The following ERI3 variants were observed in gnomAD, a reference collection of about 807,000 sequenced individuals.
ERI3 encodes the protein ERI1 exoribonuclease family member 3, also known as ERI1 exoribonuclease 3.
A neutral mutation model predicts 44.4 loss-of-function variants in ERI3; 18 were observed. The observed-to-expected ratio is 0.41, with a 90% CI of 0.28 to 0.60. The LOEUF (loss-of-function observed/expected upper bound fraction) is 0.60, where lower values mean the gene tolerates loss of function less well. Among genes scored for constraint, ERI3 ranks in the 20% least tolerant of loss-of-function variants. ERI3 has a pLI of 0.36. For synonymous variants in ERI3, 183 were observed against 164.8 expected, an observed-to-expected ratio of 1.11 and a Z score of -0.84; for missense variants, 294 against 435.5, an observed-to-expected ratio of 0.68 and a Z score of 2.89.
intron 8 of ERI3, among the ~76,000 whole-genome samples, chr1:44,239,927 G>A (rs540048417): frequency 2.0e-5 from 3 of 152,166 alleles, no homozygotes; most frequent in Non-Finnish European, 2.9e-5. Context: ...GCGGCTCCCC[G>A]CCCGCCCCTT....
chr1:44,340,504 G>C (rs1646631802), intron 2 of ERI3, among the ~76,000 whole-genome samples: 1 of 152,178 alleles, frequency 6.6e-6, no homozygotes, highest in Non-Finnish European at 1.5e-5. Context: ...AGGGTAGAGG[G>C]ATAGCACCCT....
chr1:44,259,875 C>CCAGATAGA (rs1259635160), intron 7 of ERI3, among the ~76,000 whole-genome samples: 9 of 135,854 alleles, frequency 6.6e-5, no homozygotes, highest in Middle Eastern at 3.4e-3. Flanking sequence ...GGAAAACCCT[C>CCAGATAGA]TAGATAGATA....
intron 3 of ERI3, among the ~76,000 whole-genome samples, chr1:44,331,728 C>T (rs1646434474): frequency 6.6e-6 from 1 of 152,214 alleles, no homozygotes; most frequent in Non-Finnish European, 1.5e-5. Context: ...TAATCAAGGT[C>T]AGTTTTTCCA....
intron 6 of ERI3, among the ~76,000 whole-genome samples, chr1:44,291,309 T>C (rs537682416): frequency 2.0e-5 from 3 of 152,324 alleles, no homozygotes; most frequent in Admixed American, 6.5e-5. Flanking sequence ...TTAGTATCTA[T>C]CTCACCTGCA....
intron 3 of ERI3, among the ~76,000 whole-genome samples, chr1:44,329,597 A>G (rs1031463401): frequency 6.6e-6 from 1 of 152,196 alleles, no homozygotes; most frequent in African/African-American, 2.4e-5. Flanking sequence ...TCTCAGTTTT[A>G]TCACACTTTT....
Position 44,339,232 on chromosome 1 carries a change from A to G in ERI3, c.302T>C (p.Val101Ala), listed in dbSNP as rs776564446. 1 of 1,613,864 alleles carries G rather than the reference A, an allele frequency of 6.2e-7. No individual in the cohort carries two copies. Residue 101 changes from valine (V) to alanine (A), a missense_variant, in exon 3 of 9, where the codon GTG becomes GCG. Val to Ala is a moderately conservative substitution (Grantham distance 64). This residue lies in a region of ERI3 where 187 missense variants were observed against 338.6 expected (regional missense o/e 0.55). Coordinates refer to ENST00000372257, the MANE Select transcript of ERI3 (RefSeq NM_024066.3). Reference protein sequence around the residue: ...SSYLLSRARKVLGSHLFSPCG... With the variant: ...SSYLLSRARKALGSHLFSPCG... ...GGGAGAAAATAAGTGGGAGCCCAGC[A>G]CTTTTCTTGCTCTTGAAAGTAAATA...
At chr1:44,350,974 C>T (rs183536655) in intron 2 of ERI3, among the ~76,000 whole-genome samples, 78 of 152,256 alleles carry the variant, frequency 5.1e-4, no homozygotes, top group Non-Finnish European at 9.6e-4. Context: ...CCTGACTAGT[C>T]CTGCTGCTTC....
chr1:44,354,784 A>G lies in ERI3; in HGVS notation c.135+108T>C, dbSNP rs1387977294. ...GTAGATTAAGTAAGCATCCAGGGTAAGCACATGGGCCAGCACCCCAGGTTG... is the reference window on the plus strand; with the variant it reads ...GTAGATTAAGTAAGCATCCAGGGTAGGCACATGGGCCAGCACCCCAGGTTG... On this transcript the variant is annotated intron_variant, in intron 1 of 8. Transcript: ENST00000372257. 3.1e-6 allele frequency: 4 copies of G among 1,277,958 alleles called. No individual in the cohort carries two copies. In the South Asian group the frequency reaches 1.4e-4, roughly 46 times the overall value. 79.2% of individuals were successfully genotyped at this position (1,277,958 alleles called of 1,614,324 possible). A position where few individuals can be genotyped will look rare whatever the true frequency, so the allele number is the denominator to read the frequency against.
chr1:44,322,400 AG>A (rs1180400758), intron 3 of ERI3, among the ~76,000 whole-genome samples: 1 of 150,724 alleles, frequency 6.6e-6, no homozygotes, highest in Admixed American at 6.6e-5. Flanking sequence ...AAAAAAAAGG[AG>A]GGGGGTAGGC....
chr1:44,313,138 G>C (rs1646009662), intron 5 of ERI3, 31 bp downstream of exon 5: 2 of 1,606,068 alleles, frequency 1.2e-6, no homozygotes, highest in African/African-American at 1.3e-5. Flanking sequence ...GAAGGGGTCA[G>C]AGGTCAGGAA....
At chr1:44,341,649 G>C (rs1489540427) in intron 2 of ERI3, among the ~76,000 whole-genome samples, 1 of 152,228 alleles carries the variant, frequency 6.6e-6, no homozygotes, top group Non-Finnish European at 1.5e-5. Context: ...CACTGTGGGA[G>C]GCTGAGGCAG....
intron 4 of ERI3, among the ~76,000 whole-genome samples, chr1:44,317,808 G>C (rs1284530007): frequency 6.6e-6 from 1 of 152,076 alleles, no homozygotes; most frequent in African/African-American, 2.4e-5. Context: ...CATGTGAAAA[G>C]ACAGACTGTA....
At chr1:44,318,467 C>A (rs1646135148) in intron 4 of ERI3, among the ~76,000 whole-genome samples, 1 of 152,228 alleles carries the variant, frequency 6.6e-6, no homozygotes, top group Non-Finnish European at 1.5e-5. Flanking sequence ...AAAGGGGAAA[C>A]CCCGGCAGAG....
At chr1:44,351,065 GCT>G (rs1557874355) in intron 2 of ERI3, among the ~76,000 whole-genome samples, 1 of 146,308 alleles carries the variant, frequency 6.8e-6, no homozygotes, top group Admixed American at 6.9e-5. Flanking sequence ...ACAGAGTCTT[GCT>G]CTGTCACCCA....
At position 44,221,989 on chromosome 1, in the gene ERI3, T is replaced by A. The variant is rs957942924; in HGVS notation, c.932-349A>T. Among the ~76,000 whole-genome samples, 5 of 152,212 alleles carry A rather than the reference T, an allele frequency of 3.3e-5. No individual in the cohort carries two copies. The highest frequency in any genetic ancestry group is 7.3e-5 in the Non-Finnish European group (5 of 68,038). ...TTGACGGCCCCCGGCCGCTGGGCGA[T>A]CCTTCTTGTTGCTGCCGCGTGGGGA... is the stretch of plus-strand genomic sequence containing the variant. On this transcript the variant is annotated intron_variant, in intron 8 of 8. Transcript: ENST00000372257. The surrounding 1 kb of genome is among the most constrained non-coding windows in gnomAD (Gnocchi z 5.9).
chr1:44,245,354 A>G (rs1644533047), intron 8 of ERI3, among the ~76,000 whole-genome samples: 1 of 152,124 alleles, frequency 6.6e-6, no homozygotes, highest in Non-Finnish European at 1.5e-5. Flanking sequence ...CTCTTCATTC[A>G]AAGACTACAA....
At position 44,266,127 on chromosome 1, in the gene ERI3, C is replaced by T. The variant is rs1296644502; in HGVS notation, c.832-18089G>A. 3.3e-5 allele frequency among the ~76,000 whole-genome samples: 5 copies of T among 152,308 alleles called. No homozygotes were observed. The East Asian group carries it at 9.6e-4, about 29-fold the overall frequency. On this transcript the variant is annotated intron_variant, in intron 7 of 8. Coordinates refer to ENST00000372257, the MANE Select transcript of ERI3 (RefSeq NM_024066.3). ...CAACTGTGAACAAAGTCAGAGGAGG[C>T]TCTAGCACCATGCCTAGCTTTCTGA...
rs376203406 is a variant in ERI3, at chr1:44,267,604, G to A, written c.831+17231C>T. Among the ~76,000 whole-genome samples the A allele has an allele frequency of 4.6e-5, 7 of 152,250 alleles. No homozygotes were observed. In the East Asian group the frequency reaches 7.7e-4, roughly 17 times the overall value. ...CAGCTTGCATAGTTAAACAACTGCC[G>A]GGTAATTAGGCACAGCAAACACACC... is the stretch of plus-strand genomic sequence containing the variant. On this transcript the variant is annotated intron_variant, in intron 7 of 8. Coordinates refer to ENST00000372257, the MANE Select transcript of ERI3 (RefSeq NM_024066.3).
At chr1:44,268,649 G>C (rs1448693890) in intron 7 of ERI3, among the ~76,000 whole-genome samples, 3 of 152,162 alleles carry the variant, frequency 2.0e-5, no homozygotes, top group Non-Finnish European at 4.4e-5. Context: ...AGCAGGCCAA[G>C]TCAACTCACA....
Sources: allele counts gnomAD v4.1 joint callset (sites outside exome capture counted in the v4.1 genomes callset), GRCh38; gene constraint gnomAD v4.1.1; regional missense constraint gnomAD v4.1.1; non-coding constraint Gnocchi (gnomAD v3.1); transcripts MANE v1.5; gene names NCBI Gene and HGNC (gene_info 2026-07-23, HGNC 2026-07-21).